Variants in TRIM24 observed in about 807,000 individuals in gnomAD.
TRIM24 encodes transcription intermediary factor 1-alpha.
TRIM24 carries 29 observed loss-of-function variants against 123.9 expected under a neutral mutation model. The ratio of observed to expected loss-of-function variants is 0.23; its 90% CI spans 0.17 to 0.32. TRIM24 has a LOEUF of 0.32. Among genes scored for constraint, TRIM24 ranks in the 10% least tolerant of loss-of-function variants. The pLI is 1.00. For synonymous variants in TRIM24, 456 were observed against 461.1 expected (o/e 0.99, Z 0.14); for missense variants, 932 against 1,295.3 (o/e 0.72, Z 4.31).
rs1187111701 is a variant in TRIM24 at position 138,573,617 on chromosome 7, A to T, written c.1989A>T (p.Ser663=). ...ACAGAACGGTCCAGTCACCAAATTC[A>T]TCAGTGCCATCTCCAGGCCTTGCAG... ...PSNRTVQSPN[S]SVPSPGLAGP... The change falls in exon 12 of 19, where the codon TCA becomes TCT. Residue 663 remains serine (S), a synonymous_variant. Transcript: ENST00000343526. 8.1e-6 allele frequency: 13 copies of T among 1,613,692 alleles called. No individual in the cohort carries two copies. The highest frequency in any genetic ancestry group is 4.4e-5 in the South Asian group (4 of 90,940).
intron 11 of TRIM24, among the ~76,000 whole-genome samples, chr7:138,571,934 TTC>T (rs2116672911): frequency 6.6e-6 from 1 of 152,260 alleles, no homozygotes; most frequent in South Asian, 2.1e-4. Flanking sequence ...TATAAGTTGA[TTC>T]TGTGTTTGAT....
At chr7:138,489,302 A>T (rs2116494779) in intron 1 of TRIM24, among the ~76,000 whole-genome samples, 1 of 152,192 alleles carries the variant, frequency 6.6e-6, no homozygotes, top group East Asian at 1.9e-4. Flanking sequence ...TCTCGATCCA[A>T]TTTGCCAGTC....
At chr7:138,533,406 A>G (rs958292005) in intron 6 of TRIM24, among the ~76,000 whole-genome samples, 4 of 152,100 alleles carry the variant, frequency 2.6e-5, no homozygotes, top group Non-Finnish European at 5.9e-5. Flanking sequence ...TACCTAATTT[A>G]TTGAGTTTTT....
At chr7:138,534,495 T>C (rs1796821178) in intron 6 of TRIM24, among the ~76,000 whole-genome samples, 1 of 152,168 alleles carries the variant, frequency 6.6e-6, no homozygotes, top group Non-Finnish European at 1.5e-5. Flanking sequence ...CAGGAGCAGG[T>C]TGTTCAGTTT....
chr7:138,570,793 G>A, intron 10 of TRIM24, 37 bp from the exon 11 acceptor site: 1 of 1,605,864 alleles, frequency 6.2e-7, no homozygotes, highest in East Asian at 2.2e-5. Context: ...TTATAAGCTT[G>A]TTGATAGCCT....
rs1794931734 is a variant in TRIM24 at position 138,460,437 on chromosome 7, G to T, written c.-112G>T. The T allele has an allele frequency of 8.8e-7, 1 of 1,140,712 alleles. No homozygotes were observed. The allele number at this position is 1,140,712 out of a possible 1,614,324, so 70.7% of individuals were successfully genotyped here. A position where few individuals can be genotyped will look rare whatever the true frequency, so the allele number is the denominator to read the frequency against. ...CTTTCCCTCCCTCGCTGGCGCTGCC[G>T]CGAGTCCACCGAGCGGCCTCTGAGG... On this transcript the variant is annotated 5_prime_UTR_variant, in exon 1 of 19. Transcript: ENST00000343526.
chr7:138,506,560 C>A (rs375992179), intron 2 of TRIM24, among the ~76,000 whole-genome samples: 17 of 152,102 alleles, frequency 1.1e-4, no homozygotes, highest in African/African-American at 3.6e-4. Context: ...ATTCCTATGA[C>A]ATAAAATGAT....
intron 1 of TRIM24, 99 bp downstream of exon 1, chr7:138,461,011 G>T: frequency 9.0e-7 from 1 of 1,109,530 alleles, no homozygotes; most frequent in South Asian, 1.9e-5. Flanking sequence ...GCCGCCGCCC[G>T]GGGTGCGCGG....
At chr7:138,546,392 T>C (rs955608548) in intron 7 of TRIM24, among the ~76,000 whole-genome samples, 2 of 152,234 alleles carry the variant, frequency 1.3e-5, no homozygotes, top group African/African-American at 4.8e-5. Context: ...AAGCAACTTA[T>C]ATCCTTGATG....
chr7:138,524,268 C>G (rs910729272), intron 4 of TRIM24, among the ~76,000 whole-genome samples: 8 of 152,040 alleles, frequency 5.3e-5, no homozygotes, highest in African/African-American at 1.9e-4. Context: ...AGAAAACGTA[C>G]TTAATATTGG....
At chr7:138,577,873 T>TA (rs879783062) in intron 14 of TRIM24, among the ~76,000 whole-genome samples, 517 of 152,294 alleles carry the variant, frequency 3.4e-3, no homozygotes, top group South Asian at 0.01. Context: ...GACTTGAAGA[T>TA]TAACTAAACA....
chr7:138,557,923 G>T lies in TRIM24; in HGVS notation c.1530+2957G>T, dbSNP rs80067467. Among the ~76,000 whole-genome samples the T allele has an allele frequency of 4.0e-3, 592 of 149,718 alleles. 3 individuals are homozygous for T. Among genetic ancestry groups the T allele is most frequent in the African/African-American group, 0.014 (569 of 41,492 alleles). On this transcript the variant is annotated intron_variant, in intron 9 of 18. Coordinates refer to ENST00000343526, the MANE Select transcript of TRIM24 (RefSeq NM_015905.3). ...CATTCCATCTTCCGCCCAGGTGGCT[G>T]ACCCATAATATTGGATTATTCTCTC...
At chr7:138,535,772 G>A (rs1227259504) in intron 6 of TRIM24, among the ~76,000 whole-genome samples, 1 of 152,120 alleles carries the variant, frequency 6.6e-6, no homozygotes, top group Non-Finnish European at 1.5e-5. Flanking sequence ...TGCCTTGCTA[G>A]GTTGGCGAAG....
chr7:138,498,742 A>G (rs559617829), intron 1 of TRIM24, among the ~76,000 whole-genome samples: 65 of 151,662 alleles, frequency 4.3e-4, no homozygotes, highest in Middle Eastern at 3.4e-3. Flanking sequence ...GGTTCAAGCA[A>G]TGCTACCTCC....
At chr7:138,515,471 T>A in intron 3 of TRIM24, 112 bp downstream of exon 3, 1 of 1,252,426 alleles carries the variant, frequency 8.0e-7, no homozygotes, top group South Asian at 1.7e-5. Flanking sequence ...AATATACTGT[T>A]TTAAGTAAAA....
chr7:138,534,165 T>C (rs1273135488), intron 6 of TRIM24, among the ~76,000 whole-genome samples: 1 of 152,226 alleles, frequency 6.6e-6, no homozygotes, highest in East Asian at 1.9e-4. Context: ...AAAAACCAGC[T>C]CCTGGATTCA....
intron 3 of TRIM24, among the ~76,000 whole-genome samples, chr7:138,516,011 A>G (rs1353373099): frequency 6.6e-6 from 1 of 152,032 alleles, no homozygotes; most frequent in Admixed American, 6.6e-5. Flanking sequence ...AATAACTCCA[A>G]TTTTCTGGCC....
intron 1 of TRIM24, among the ~76,000 whole-genome samples, chr7:138,487,381 C>T (rs1030619206): frequency 2.6e-5 from 4 of 152,140 alleles, no homozygotes; most frequent in African/African-American, 9.7e-5. Flanking sequence ...CTATGTTGAA[C>T]AGGAGTGGTG....
intron 10 of TRIM24, among the ~76,000 whole-genome samples, chr7:138,570,563 C>A (rs998000409): frequency 6.6e-6 from 1 of 151,474 alleles, no homozygotes; most frequent in Non-Finnish European, 1.5e-5. Context: ...ATGTATAAAC[C>A]TGCCAAGATT....
Sources: allele counts gnomAD v4.1 joint callset (sites outside exome capture counted in the v4.1 genomes callset), GRCh38; gene constraint gnomAD v4.1.1; transcripts MANE v1.5; gene names NCBI Gene and HGNC (gene_info 2026-07-23, HGNC 2026-07-21).